The following USP2 variants were observed in gnomAD, a reference collection of about 807,000 sequenced individuals.
USP2 encodes the protein ubiquitin specific peptidase 2, also known as ubiquitin carboxyl-terminal hydrolase 2.
In USP2, 33 loss-of-function variants were observed where a neutral mutation model predicts 72.0. The observed-to-expected ratio is 0.46, with a 90% CI of 0.35 to 0.61. The LOEUF is 0.61. Among genes scored for constraint, USP2 ranks in the 20% least tolerant of loss-of-function variants. The pLI is 0.01. For missense variants in USP2, 691 were observed against 797.8 expected (o/e 0.87, Z 1.61); for synonymous variants, 296 against 312.5 (o/e 0.95, Z 0.56).
intron 2 of USP2, among the ~76,000 whole-genome samples, chr11:119,372,162 C>A (rs1950935888): frequency 6.6e-6 from 1 of 152,198 alleles, no homozygotes. Flanking sequence ...AGATGATAAG[C>A]ATTGCTGTCT....
Position 119,359,009 on chromosome 11 carries a change from T to C in USP2, c.1172+15A>G. On this transcript the variant is annotated intron_variant, in intron 6 of 12. Transcript: ENST00000260187. Reference sequence around the variant, plus strand: ...CAAAAGTTTTGCTTTCCCACAGCATTCTCCTCTTACTTACGGAAGATGATC... The same window carrying C: ...CAAAAGTTTTGCTTTCCCACAGCATCCTCCTCTTACTTACGGAAGATGATC... The C allele has an allele frequency of 6.2e-7, 1 of 1,613,142 alleles. No homozygotes were observed. The highest frequency in any genetic ancestry group is 8.5e-7 in the Non-Finnish European group (1 of 1,179,306).
Position 119,358,257 on chromosome 11 carries a change from G to A in USP2, c.1238-5C>T, listed in dbSNP as rs765221925. 2.5e-6 allele frequency: 4 copies of A among 1,612,324 alleles called. No homozygotes were observed. The highest frequency in any genetic ancestry group is 2.7e-5 in the African/African-American group (2 of 74,864). The stretch of plus-strand genomic sequence containing the variant: ...TTAGCTGCCCAACAAAGAGATCTGG[G>A]GAAGAGAAGGCCATGAGATGCTGAA... On this transcript the variant is annotated splice_region_variant and splice_polypyrimidine_tract_variant and intron_variant, in intron 7 of 12. Coordinates refer to ENST00000260187, the MANE Select transcript of USP2 (RefSeq NM_004205.5).
intron 1 of USP2, among the ~76,000 whole-genome samples, chr11:119,374,138 C>T (rs1005069318): frequency 2.6e-5 from 4 of 152,152 alleles, no homozygotes; most frequent in African/African-American, 7.2e-5. Context: ...GGGGCCAGAA[C>T]GTGGTCTCCA....
intron 1 of USP2, 136 bp from the exon 2 acceptor site, chr11:119,373,657 A>G: frequency 1.2e-6 from 1 of 839,668 alleles, no homozygotes; most frequent in Non-Finnish European, 1.8e-6. Context: ...GGCTGCTGAG[A>G]AGCACACATG....
Position 119,379,234 on chromosome 11 carries a change from C to T in USP2, c.-42+2239G>A, listed in dbSNP as rs537271260. 751 of 985,468 alleles carry T rather than the reference C, an allele frequency of 7.6e-4. 2 individuals carry two copies. Among genetic ancestry groups the T allele is most frequent in the Middle Eastern group, 1.0e-3 (2 of 1,914 alleles). 61.0% of individuals were successfully genotyped at this position (985,468 alleles called of 1,614,324 possible). A position where few individuals can be genotyped will look rare whatever the true frequency, so the allele number is the denominator to read the frequency against. On this transcript the variant is annotated intron_variant, in intron 1 of 12. Coordinates refer to ENST00000260187, the MANE Select transcript of USP2 (RefSeq NM_004205.5). ...CCCAGGAGAATTAAAGGGGCAGTGGCGTGCTCACCTTGAGGGGCTGCCCTT... is the reference window on the plus strand; with the variant it reads ...CCCAGGAGAATTAAAGGGGCAGTGGTGTGCTCACCTTGAGGGGCTGCCCTT...
chr11:119,378,865 C>T, intron 1 of USP2: 1 of 492,518 alleles, frequency 2.0e-6, no homozygotes, highest in Non-Finnish European at 2.6e-6. Context: ...TGTTCTCAGC[C>T]TCCGGAGGAG....
rs1391088728 is a variant in USP2 at position 119,373,208 on chromosome 11, C to T, written c.273G>A (p.Arg91=). 6.2e-7 allele frequency: 1 copy of T among 1,613,990 alleles called. No individual in the cohort carries two copies. The highest frequency in any genetic ancestry group is 8.5e-7 in the Non-Finnish European group (1 of 1,179,964). The change falls in exon 2 of 13, where the codon CGG becomes CGA. Residue 91 remains arginine (R), a synonymous_variant. Coordinates refer to ENST00000260187, the MANE Select transcript of USP2 (RefSeq NM_004205.5). The part of the protein sequence containing the change: ...LRPDITGGGK[R]AESQTRGTER... ...CAGTACCCCGGGTCTGGCTCTCTGC[C>T]CGCTTACCACCCCCAGTGATGTCGG...
In USP2 at chr11:119,359,556, T is replaced by C. The variant is rs768268127; in HGVS notation, c.930A>G (p.Ala310=). The C allele has an allele frequency of 9.3e-6, 15 of 1,613,868 alleles. No individual in the cohort carries two copies. The African/African-American group carries it at 2.0e-4, about 22-fold the overall frequency. ...YMRDLHHGSN[A]HTALVEEFAK... ...TCTCACCTTCCACGAGGGCTGTGTG[T>C]GCATTGCTGCCGTGGTGCAGGTCCC... The change falls in exon 4 of 13, where the codon GCA becomes GCG. Residue 310 remains alanine (A), a synonymous_variant. Transcript: ENST00000260187.
intron 3 of USP2, among the ~76,000 whole-genome samples, 196 bp downstream of exon 3, chr11:119,359,988 T>C (rs1454254720): frequency 6.6e-6 from 1 of 152,190 alleles, no homozygotes; most frequent in Non-Finnish European, 1.5e-5. Flanking sequence ...GGCAACTTCC[T>C]TTTAGCAGTG....
At chr11:119,374,973 A>G (rs1241798565) in intron 1 of USP2, among the ~76,000 whole-genome samples, 1 of 152,190 alleles carries the variant, frequency 6.6e-6, no homozygotes, top group Non-Finnish European at 1.5e-5. Context: ...GGGCTCCACA[A>G]TGACAGTGGC....
chr11:119,356,487 A>C lies in USP2; in HGVS notation c.*348T>G. 4.8e-6 allele frequency: 1 copy of C among 209,530 alleles called. No individual in the cohort carries two copies. Among genetic ancestry groups the C allele is most frequent in the Non-Finnish European group, 9.5e-6 (1 of 104,944 alleles). The allele number at this position is 209,530 out of a possible 1,614,324, so 13.0% of individuals were successfully genotyped here. On this transcript the variant is annotated 3_prime_UTR_variant, in exon 13 of 13. Transcript: ENST00000260187. Reference sequence around the variant, plus strand: ...GCTCCAGAGGGCGCTGTCCCCTCGGAGGCGCGGGCGCTGCGGCGGGAAGCG... The same window carrying C: ...GCTCCAGAGGGCGCTGTCCCCTCGGCGGCGCGGGCGCTGCGGCGGGAAGCG...
intron 1 of USP2, among the ~76,000 whole-genome samples, chr11:119,378,714 C>A (rs1951029315): frequency 6.6e-6 from 1 of 152,160 alleles, no homozygotes; most frequent in African/African-American, 2.4e-5. Flanking sequence ...CAAGACAAGG[C>A]AAAGAAATGG....
Position 119,372,954 on chromosome 11 carries a change from C to G in USP2, c.527G>C (p.Arg176Pro). Residue 176 changes from arginine (R) to proline (P), a missense_variant, in exon 2 of 13, where the codon CGC becomes CCC. Transcript: ENST00000260187. Reference sequence around the variant, plus strand: ...CCCCTGCAGGGTGCAGAGCTCCTTGCGCGTCCGGGCCAGCATGGGGCTGCG... The same window carrying G: ...CCCCTGCAGGGTGCAGAGCTCCTTGGGCGTCCGGGCCAGCATGGGGCTGCG... ...LGRSPMLART[R>P]KELCTLQGLY... 6.2e-7 allele frequency: 1 copy of G among 1,613,736 alleles called. No homozygotes were observed. The highest frequency in any genetic ancestry group is 1.1e-5 in the South Asian group (1 of 91,082).
Position 119,356,801 on chromosome 11 carries a change from C to G in USP2, c.*34G>C, listed in dbSNP as rs1246872764. 1.3e-6 allele frequency: 2 copies of G among 1,525,836 alleles called. No individual in the cohort carries two copies. The highest frequency in any genetic ancestry group is 1.8e-6 in the Non-Finnish European group (2 of 1,134,128). 94.5% of individuals were successfully genotyped at this position (1,525,836 alleles called of 1,614,324 possible). ...TAAAAAATTTAGGGAGCGGGGCCAC[C>G]ACGGGGAAGGGAGAAGGGACGTGGC... is the stretch of plus-strand genomic sequence containing the variant. On this transcript the variant is annotated 3_prime_UTR_variant, in exon 13 of 13. Transcript: ENST00000260187.
intron 2 of USP2, among the ~76,000 whole-genome samples, chr11:119,365,770 A>C (rs1382968029): frequency 6.6e-6 from 1 of 151,968 alleles, no homozygotes; most frequent in Non-Finnish European, 1.5e-5. Flanking sequence ...CTGCTGAAAA[A>C]CCAAAACTGC....
intron 1 of USP2, 96 bp from the exon 2 acceptor site, chr11:119,373,617 C>T (rs1201296959): frequency 1.7e-6 from 2 of 1,198,236 alleles, no homozygotes; most frequent in East Asian, 2.6e-5. Flanking sequence ...AACCTCAGAG[C>T]TCCCAGTCCA....
chr11:119,368,741 C>T (rs980007122), intron 2 of USP2, among the ~76,000 whole-genome samples: 3 of 152,250 alleles, frequency 2.0e-5, no homozygotes, highest in Admixed American at 2.0e-4. Context: ...CCTGGCTCTG[C>T]CTCCGAGTTG....
rs1591317196 is a variant in USP2 at position 119,359,356 on chromosome 11, A to G, written c.950-14T>C. On this transcript the variant is annotated splice_polypyrimidine_tract_variant and intron_variant, in intron 4 of 12. Coordinates refer to ENST00000260187, the MANE Select transcript of USP2 (RefSeq NM_004205.5). ...GTTTTGCAAACTCTATTGGAAGGAG[A>G]GAGTGTACAGGACAGCTGAGATATT... 1.2e-6 allele frequency: 2 copies of G among 1,609,192 alleles called. No homozygotes were observed. The highest frequency in any genetic ancestry group is 4.5e-5 in the East Asian group (2 of 44,838).
chr11:119,363,163 G>C (rs1172015860), intron 2 of USP2, among the ~76,000 whole-genome samples: 1 of 152,226 alleles, frequency 6.6e-6, no homozygotes, highest in African/African-American at 2.4e-5. Context: ...CGCACTGCCA[G>C]CACGGGAGCT....
Sources: allele counts gnomAD v4.1 joint callset (sites outside exome capture counted in the v4.1 genomes callset), GRCh38; gene constraint gnomAD v4.1.1; transcripts MANE v1.5; gene names NCBI Gene and HGNC (gene_info 2026-07-23, HGNC 2026-07-21).